Variants in STK24 observed in about 807,000 individuals in gnomAD.
STK24 encodes the protein serine/threonine-protein kinase 24.
Under a neutral mutation model 55.6 loss-of-function variants are expected in STK24, and 21 were observed. The ratio of observed to expected loss-of-function variants is 0.38; its 90% CI spans 0.27 to 0.54. The LOEUF (loss-of-function observed/expected upper bound fraction) is 0.54. STK24 is among the 20% of genes least tolerant of loss of function. The pLI, the probability that STK24 is intolerant of heterozygous loss-of-function variation, is 0.79. For missense variants in STK24, 383 were observed against 538.4 expected (o/e 0.71, Z 2.86); for synonymous variants, 200 against 215.2 (o/e 0.93, Z 0.62).
intron 1 of STK24, among the ~76,000 whole-genome samples, chr13:98,539,710 T>C (rs1243491090): frequency 2.6e-5 from 4 of 152,120 alleles, no homozygotes; most frequent in Admixed American, 6.5e-5. Context: ...ATAGGAGAAA[T>C]GGGAACATTA....
At chr13:98,464,235 G>A (rs1298264150) in intron 6 of STK24, among the ~76,000 whole-genome samples, 2 of 151,938 alleles carry the variant, frequency 1.3e-5, no homozygotes, top group Non-Finnish European at 2.9e-5. Flanking sequence ...GGCTAACATG[G>A]TGAAACCCCG....
At chr13:98,489,877 TACA>T (rs990165752) in intron 2 of STK24, among the ~76,000 whole-genome samples, 2 of 152,112 alleles carry the variant, frequency 1.3e-5, no homozygotes, top group Non-Finnish European at 1.5e-5. Context: ...AGCCACTGCC[TACA>T]ACAACAAATA....
intron 9 of STK24, among the ~76,000 whole-genome samples, chr13:98,460,087 A>G (rs555970501): frequency 9.2e-4 from 140 of 152,328 alleles, no homozygotes; most frequent in African/African-American, 3.2e-3. Flanking sequence ...GCTGTACACA[A>G]TGAGATTTGC....
At chr13:98,504,600 C>A (rs1895616211) in intron 2 of STK24, among the ~76,000 whole-genome samples, 1 of 152,192 alleles carries the variant, frequency 6.6e-6, no homozygotes, top group Admixed American at 6.5e-5. Flanking sequence ...GAGAATGAAG[C>A]CTACTGTGTG....
chr13:98,482,210 C>A, intron 3 of STK24, 55 bp downstream of exon 3: 1 of 1,048,846 alleles, frequency 9.5e-7, no homozygotes, highest in Non-Finnish European at 1.4e-6. Context: ...CTTTAAAACC[C>A]AGGTTTCCTG....
At chr13:98,540,761 A>C (rs1434148645) in intron 1 of STK24, among the ~76,000 whole-genome samples, 1 of 137,814 alleles carries the variant, frequency 7.3e-6, no homozygotes, top group Non-Finnish European at 1.6e-5. Flanking sequence ...AAATATTAAA[A>C]GCAAAAAAAA....
At chr13:98,508,015 A>G (rs1475630128) in intron 2 of STK24, among the ~76,000 whole-genome samples, 2 of 152,250 alleles carry the variant, frequency 1.3e-5, no homozygotes, top group East Asian at 1.9e-4. Flanking sequence ...CCAATGCATA[A>G]CAAGTGTTTG....
intron 5 of STK24, among the ~76,000 whole-genome samples, chr13:98,469,543 C>CCA (rs1894062322): frequency 1.5e-5 from 2 of 136,242 alleles, no homozygotes; most frequent in South Asian, 4.6e-4. Context: ...ATCCCCCCCC[C>CCA]CAAAAAAAAA....
intron 1 of STK24, among the ~76,000 whole-genome samples, chr13:98,573,257 TA>T (rs1897789135): frequency 6.6e-6 from 1 of 152,200 alleles, no homozygotes. Flanking sequence ...TAAAATTTTG[TA>T]ACAGAAATGT....
At chr13:98,520,794 C>T (rs1896232321) in intron 1 of STK24, among the ~76,000 whole-genome samples, 1 of 152,258 alleles carries the variant, frequency 6.6e-6, no homozygotes, top group Admixed American at 6.5e-5. Flanking sequence ...CCTTACAGTG[C>T]TACAGCGTGT....
intron 5 of STK24, among the ~76,000 whole-genome samples, chr13:98,472,087 G>C (rs1198978976): frequency 1.3e-5 from 2 of 152,190 alleles, no homozygotes; most frequent in African/African-American, 4.8e-5. Flanking sequence ...ACACACACAG[G>C]GCAGCCAGGA....
rs147670572 is a variant in STK24, at chr13:98,530,172, G to T, written c.43-10699C>A. ...CCAGACATGACAGTTTCTGTCTGTG[G>T]CCCCCAGACAGAAACACACACAAAT... On this transcript the variant is annotated intron_variant, in intron 1 of 10. Coordinates refer to ENST00000539966, the MANE Select transcript of STK24 (RefSeq NM_001032296.4). Among the ~76,000 whole-genome samples the T allele has an allele frequency of 9.7e-3, 1,478 of 152,080 alleles. 13 individuals carry two copies. The highest frequency in any genetic ancestry group is 0.015 in the Non-Finnish European group (986 of 67,992).
chr13:98,576,652 C>A lies in STK24; in HGVS notation c.42+93G>T. 4 of 1,155,886 alleles carry A rather than the reference C, an allele frequency of 3.5e-6. No homozygotes were observed. The Admixed American group carries it at 8.8e-5, about 25-fold the overall frequency. 71.6% of individuals were successfully genotyped at this position (1,155,886 alleles called of 1,614,324 possible). A position where few individuals can be genotyped will look rare whatever the true frequency, so the allele number is the denominator to read the frequency against. Reference sequence around the variant, plus strand: ...AGCCAGGCTCCGGCGCGACCCCGGCCGGCTGAGCGTAGGGGGACGCCGTGT... The same window carrying A: ...AGCCAGGCTCCGGCGCGACCCCGGCAGGCTGAGCGTAGGGGGACGCCGTGT... On this transcript the variant is annotated intron_variant, in intron 1 of 10. Coordinates refer to ENST00000539966, the MANE Select transcript of STK24 (RefSeq NM_001032296.4).
At chr13:98,457,863 C>G (rs1489940044) in intron 9 of STK24, among the ~76,000 whole-genome samples, 1 of 152,186 alleles carries the variant, frequency 6.6e-6, no homozygotes. Context: ...CTGTTCGAGG[C>G]CAGAACAGAG....
chr13:98,482,506 C>T (rs7320725), intron 2 of STK24, among the ~76,000 whole-genome samples, 185 bp from the exon 3 acceptor site: 4,250 of 152,314 alleles, frequency 0.028, 191 homozygotes, highest in African/African-American at 0.096. Context: ...ACACCCCCAT[C>T]ATGCTCTGGG....
intron 2 of STK24, among the ~76,000 whole-genome samples, chr13:98,492,658 A>T (rs1305342337): frequency 1.3e-5 from 2 of 152,054 alleles, no homozygotes; most frequent in African/African-American, 4.8e-5. Flanking sequence ...ACAACCCCAC[A>T]ATTTTTCTCT....
chr13:98,510,886 T>C (rs535529828), intron 2 of STK24, among the ~76,000 whole-genome samples: 1 of 152,352 alleles, frequency 6.6e-6, no homozygotes, highest in Non-Finnish European at 1.5e-5. Context: ...GGGTGAATTG[T>C]AGATCGGTAA....
Position 98,446,699 on chromosome 13 carries a change from G to A in STK24, c.*6474C>T, listed in dbSNP as rs200545303. The A allele has an allele frequency of 1.2e-5, 20 of 1,613,896 alleles. No homozygotes were observed. In the East Asian group the frequency reaches 2.0e-4, roughly 16 times the overall value. On this transcript the variant is annotated 3_prime_UTR_variant, in exon 11 of 11. Coordinates refer to ENST00000539966, the MANE Select transcript of STK24 (RefSeq NM_001032296.4). ...TCCCCTTGCCAGCCTGCCTCTGCTC[G>A]GCTACTCGCTCACCATCCCCTCTGA...
intron 1 of STK24, among the ~76,000 whole-genome samples, chr13:98,562,230 T>C (rs1271171283): frequency 6.6e-6 from 1 of 152,226 alleles, no homozygotes; most frequent in Non-Finnish European, 1.5e-5. Flanking sequence ...ACTGGGATTC[T>C]AGATGCTTTT....
Sources: gnomAD v4.1 joint callset for allele counts (sites outside exome capture counted in the v4.1 genomes callset) on GRCh38, gnomAD v4.1.1 for gene constraint, MANE v1.5 for transcripts, NCBI Gene and HGNC (gene_info 2026-07-23, HGNC 2026-07-21) for gene names.